Variants in GLI2 observed in about 807,000 individuals in gnomAD.
GLI2 encodes GLI family zinc finger 2.
A neutral mutation model predicts 78.9 loss-of-function variants in GLI2; 22 were observed. The ratio of observed to expected loss-of-function variants is 0.28; its 90% confidence interval spans 0.20 to 0.40. The LOEUF (loss-of-function observed/expected upper bound fraction) is 0.40, where lower values mean the gene tolerates loss of function less well. GLI2 is among the 10% of genes least tolerant of loss of function. The pLI, the probability that GLI2 is intolerant of heterozygous loss-of-function variation, is 1.00. For synonymous variants in GLI2, 974 were observed against 963.7 expected, an observed-to-expected ratio of 1.01 and a Z score of -0.20; for missense variants, 2,097 against 2,213.2, an observed-to-expected ratio of 0.95 and a Z score of 1.05.
chr2:120,810,762 G>T (rs981506251), intron 2 of GLI2, among the ~76,000 whole-genome samples: 1 of 152,234 alleles, frequency 6.6e-6, no homozygotes, highest in Admixed American at 6.5e-5. Context: ...CTGGTCCTCC[G>T]TAACTCAGAA....
At chr2:120,897,857 T>A (rs1678055676) in intron 2 of GLI2, among the ~76,000 whole-genome samples, 1 of 152,214 alleles carries the variant, frequency 6.6e-6, no homozygotes, top group Non-Finnish European at 1.5e-5. Flanking sequence ...GCTAACATTT[T>A]ATGAGACCTC....
intron 10 of GLI2, among the ~76,000 whole-genome samples, chr2:120,980,509 ATT>A (rs1682670307): frequency 6.6e-6 from 1 of 152,092 alleles, no homozygotes; most frequent in Non-Finnish European, 1.5e-5. Context: ...AATTGTAAGA[ATT>A]TTTCATATAT....
In GLI2 at chr2:120,927,412, G is replaced by C. The variant is rs776012263; in HGVS notation, c.200G>C (p.Arg67Pro). The C allele has an allele frequency of 6.2e-7, 1 of 1,613,872 alleles. No individual in the cohort carries two copies. Among genetic ancestry groups the C allele is most frequent in the Non-Finnish European group, 8.5e-7 (1 of 1,179,944 alleles). ...CATGCGCCCCTACCGATTGACATGCGACACCAGGAAGGAAGGTACCATTAC... is the reference window on the plus strand; with the variant it reads ...CATGCGCCCCTACCGATTGACATGCCACACCAGGAAGGAAGGTACCATTAC... ...PFHAPLPIDMRHQEGRYHYEP... is the reference protein window; with the variant it reads ...PFHAPLPIDMPHQEGRYHYEP... Residue 67 changes from arginine (R) to proline (P), a missense_variant, in exon 3 of 14, where the codon CGA becomes CCA. This residue lies in a region of GLI2 where 578 missense variants were observed against 612.0 expected (regional missense o/e 0.94). Coordinates refer to ENST00000361492, the MANE Select transcript of GLI2 (RefSeq NM_001374353.1).
intron 2 of GLI2, among the ~76,000 whole-genome samples, chr2:120,851,071 T>A (rs1395117763): frequency 6.6e-6 from 1 of 152,208 alleles, no homozygotes; most frequent in Non-Finnish European, 1.5e-5. Flanking sequence ...CATACGCAGA[T>A]CTTTTCTCAG....
In GLI2 at chr2:120,927,292, C is replaced by T. The variant is rs1395845611; in HGVS notation, c.149-69C>T. The T allele has an allele frequency of 3.6e-6, 4 of 1,103,364 alleles. No homozygotes were observed. The Admixed American group carries it at 6.7e-5, about 19-fold the overall frequency. 68.3% of individuals were successfully genotyped at this position (1,103,364 alleles called of 1,614,324 possible). Reference sequence around the variant, plus strand: ...TATGAAATTCATTGAGCTTTAAAGCCCTTTGAAAGTAGCTTTTTGAGGGAG... The same window carrying T: ...TATGAAATTCATTGAGCTTTAAAGCTCTTTGAAAGTAGCTTTTTGAGGGAG... On this transcript the variant is annotated intron_variant, in intron 2 of 13. Transcript: ENST00000361492.
intron 5 of GLI2, among the ~76,000 whole-genome samples, chr2:120,961,513 G>A (rs4625910): frequency 0.78 from 119,222 of 152,158 alleles, 51,804 homozygotes; most frequent in East Asian, 1. Flanking sequence ...CCAGCTTCAC[G>A]AAGCCGCTTC....
At chr2:120,783,354 A>G (rs1558793712) in intron 1 of GLI2, among the ~76,000 whole-genome samples, 1 of 152,102 alleles carries the variant, frequency 6.6e-6, no homozygotes, top group Non-Finnish European at 1.5e-5. Context: ...ACCCAGAGCC[A>G]AGCCCACCTG....
chr2:120,840,416 G>A (rs771555518), intron 2 of GLI2, among the ~76,000 whole-genome samples: 2 of 152,308 alleles, frequency 1.3e-5, no homozygotes, highest in East Asian at 1.9e-4. Flanking sequence ...GCATGCACGC[G>A]TGTGCATGGG....
In GLI2 at chr2:120,868,096, A is replaced by C. The variant is rs1421489525; in HGVS notation, c.149-59265A>C. Among the ~76,000 whole-genome samples the C allele has an allele frequency of 2.6e-5, 4 of 152,142 alleles. No homozygotes were observed. The East Asian group carries it at 7.7e-4, about 29-fold the overall frequency. On this transcript the variant is annotated intron_variant, in intron 2 of 13. Transcript: ENST00000361492. ...GTACCAGTGAGAACTCTGAACTGAG[A>C]GTTTCTTCTGAGATCCGGCAAAGCC...
rs577165454 is a variant in GLI2, at chr2:120,803,515, G to T, written c.148+6047G>T. Among the ~76,000 whole-genome samples the T allele has an allele frequency of 2.9e-4, 44 of 152,306 alleles. 1 individual carries two copies. The highest frequency in any genetic ancestry group is 9.9e-4 in the African/African-American group (41 of 41,568). On this transcript the variant is annotated intron_variant, in intron 2 of 13. Transcript: ENST00000361492. ...AACCCTTGCCTGCTGACCCGTTGAG[G>T]CTGACAGCAGGTGGGAAACCCAGGT...
chr2:120,853,670 G>C (rs1261930466), intron 2 of GLI2, among the ~76,000 whole-genome samples: 1 of 152,156 alleles, frequency 6.6e-6, no homozygotes, highest in African/African-American at 2.4e-5. Context: ...TCTCCCTTTT[G>C]CTTTTCCAAA....
At chr2:120,986,042 C>A (rs1273720500) in intron 12 of GLI2, among the ~76,000 whole-genome samples, 2 of 152,284 alleles carry the variant, frequency 1.3e-5, no homozygotes, top group Non-Finnish European at 2.9e-5. Flanking sequence ...GCACCGGAAT[C>A]AGTTCAGGTC....
At chr2:120,867,798 G>A (rs2104663051) in intron 2 of GLI2, among the ~76,000 whole-genome samples, 1 of 152,330 alleles carries the variant, frequency 6.6e-6, no homozygotes, top group East Asian at 1.9e-4. Flanking sequence ...CTCAGGCGGG[G>A]GGAGCTGGAG....
chr2:120,813,161 T>C (rs895486), intron 2 of GLI2, among the ~76,000 whole-genome samples: 150,892 of 152,354 alleles, frequency 0.99, 74,729 homozygotes, highest in Middle Eastern at 1. Flanking sequence ...GCCGGGGTGG[T>C]GAAACATGCT....
chr2:120,909,238 G>A (rs1308868427), intron 2 of GLI2, among the ~76,000 whole-genome samples: 1 of 152,034 alleles, frequency 6.6e-6, no homozygotes, highest in East Asian at 1.9e-4. Flanking sequence ...TCACCTGGAG[G>A]TGCCTCCCAC....
chr2:120,977,338 T>C (rs1380139243), intron 9 of GLI2, among the ~76,000 whole-genome samples: 4 of 152,386 alleles, frequency 2.6e-5, no homozygotes, highest in African/African-American at 7.2e-5. Context: ...CAGCCCAATA[T>C]ATCTGAAATA....
At chr2:120,787,306 G>C (rs547410877) in intron 1 of GLI2, among the ~76,000 whole-genome samples, 1 of 152,212 alleles carries the variant, frequency 6.6e-6, no homozygotes, top group Non-Finnish European at 1.5e-5. Context: ...CCATGACAGC[G>C]ACTTGGACCT....
intron 2 of GLI2, among the ~76,000 whole-genome samples, chr2:120,907,262 C>T (rs918238792): frequency 3.3e-5 from 5 of 152,122 alleles, no homozygotes; most frequent in Admixed American, 6.5e-5. Flanking sequence ...CACCTGTTGA[C>T]GGGTGCCCTG....
At chr2:120,748,305 T>C (rs1682751934) in intron 1 of GLI2, among the ~76,000 whole-genome samples, 1 of 152,250 alleles carries the variant, frequency 6.6e-6, no homozygotes, top group Admixed American at 6.5e-5. Context: ...CCTGTCAGTA[T>C]AATGAAAAGC....
Sources: allele counts gnomAD v4.1 joint callset (sites outside exome capture counted in the v4.1 genomes callset), GRCh38; gene constraint gnomAD v4.1.1; regional missense constraint gnomAD v4.1.1; transcripts MANE v1.5; gene names NCBI Gene and HGNC (gene_info 2026-07-23, HGNC 2026-07-21).